NTNG1: variants seen among roughly 807,000 people sequenced by gnomAD.
NTNG1 encodes netrin G1.
NTNG1 carries 16 observed loss-of-function variants against 54.0 expected under a neutral mutation model. That is an observed-to-expected ratio of 0.30 (90% CI 0.20 to 0.45). The LOEUF is 0.45. NTNG1 is among the 20% of genes least tolerant of loss of function. The pLI is 1.00. For synonymous variants in NTNG1, 255 were observed against 263.1 expected, an observed-to-expected ratio of 0.97 and a Z score of 0.30; for missense variants, 530 against 678.7, an observed-to-expected ratio of 0.78 and a Z score of 2.43.
chr1:107,262,781 C>T (rs1663442716), intron 2 of NTNG1, among the ~76,000 whole-genome samples: 1 of 152,188 alleles, frequency 6.6e-6, no homozygotes, highest in Non-Finnish European at 1.5e-5. Context: ...CTTCATTCAC[C>T]TCCAGAAAGG....
At chr1:107,473,709 T>C (rs3813219) in intron 7 of NTNG1, among the ~76,000 whole-genome samples, 25,443 of 152,214 alleles carry the variant, frequency 0.17, 2,247 homozygotes, top group Middle Eastern at 0.19. Flanking sequence ...GTTCTTTCAC[T>C]GTGGAAATTC....
chr1:107,189,037 T>C (rs975340638), intron 2 of NTNG1, among the ~76,000 whole-genome samples: 15 of 152,008 alleles, frequency 9.9e-5, no homozygotes, highest in Admixed American at 9.8e-4. Flanking sequence ...TACAGTCAAA[T>C]TTTGGGGGAC....
chr1:107,144,337 A>T (rs1461115579), intron 1 of NTNG1, among the ~76,000 whole-genome samples: 1 of 152,080 alleles, frequency 6.6e-6, no homozygotes, highest in African/African-American at 2.4e-5. Context: ...TGAATGAGGA[A>T]TGAGTCAATA....
intron 3 of NTNG1, among the ~76,000 whole-genome samples, chr1:107,363,990 T>G (rs1670441198): frequency 1.3e-5 from 2 of 152,136 alleles, no homozygotes; most frequent in Non-Finnish European, 2.9e-5. Flanking sequence ...CAGTGCCCAG[T>G]GGAGAGAGGA....
chr1:107,454,077 C>T (rs1213543186), intron 7 of NTNG1, among the ~76,000 whole-genome samples: 3 of 152,066 alleles, frequency 2.0e-5, no homozygotes. Flanking sequence ...AATATTGGAC[C>T]ACAGCCCAGC....
chr1:107,312,516 T>C (rs532434355), intron 2 of NTNG1, among the ~76,000 whole-genome samples: 1 of 152,260 alleles, frequency 6.6e-6, no homozygotes, highest in African/African-American at 2.4e-5. Flanking sequence ...AATTACACTG[T>C]AGCTAAGTGG....
intron 2 of NTNG1, among the ~76,000 whole-genome samples, chr1:107,206,509 C>G (rs1190894259): frequency 1.3e-5 from 2 of 152,064 alleles, no homozygotes; most frequent in African/African-American, 4.8e-5. Flanking sequence ...GGGTTCTTAT[C>G]ATTACCTTTG....
chr1:107,241,523 C>A (rs1345073005), intron 2 of NTNG1, among the ~76,000 whole-genome samples: 1 of 152,140 alleles, frequency 6.6e-6, no homozygotes, highest in Non-Finnish European at 1.5e-5. Context: ...TAACCATAAA[C>A]CACAGTGTTT....
At chr1:107,467,316 C>G (rs981872700) in intron 7 of NTNG1, among the ~76,000 whole-genome samples, 1 of 152,128 alleles carries the variant, frequency 6.6e-6, no homozygotes, top group Non-Finnish European at 1.5e-5. Context: ...AACTAGAAGA[C>G]ACAGGAGTAT....
chr1:107,376,743 T>C (rs1671290233), intron 3 of NTNG1, among the ~76,000 whole-genome samples: 2 of 152,180 alleles, frequency 1.3e-5, no homozygotes, highest in Admixed American at 1.3e-4. Flanking sequence ...ACATAGTATC[T>C]CGAGTGAACC....
At chr1:107,195,691 C>T (rs1658269745) in intron 2 of NTNG1, among the ~76,000 whole-genome samples, 1 of 151,906 alleles carries the variant, frequency 6.6e-6, no homozygotes, top group African/African-American at 2.4e-5. Context: ...ACATTGTCCT[C>T]CTTGTTCTTA....
chr1:107,433,772 C>T (rs909164230), intron 6 of NTNG1, among the ~76,000 whole-genome samples: 1 of 152,108 alleles, frequency 6.6e-6, no homozygotes, highest in Non-Finnish European at 1.5e-5. Flanking sequence ...TTTCACTTAC[C>T]CTGCTTGAGG....
Position 107,154,501 on chromosome 1 carries a change from T to TG in NTNG1, c.246+5665dup, listed in dbSNP as rs548236434. Among the ~76,000 whole-genome samples the TG allele has an allele frequency of 6.3e-4, 88 of 139,954 alleles. 1 individual carries two copies. In the South Asian group the frequency reaches 0.017, roughly 27 times the overall value. 91.8% of individuals were successfully genotyped at this position (139,954 alleles called of 152,430 possible). On this transcript the variant is annotated intron_variant, in intron 2 of 7. Coordinates refer to ENST00000370068, the MANE Select transcript of NTNG1 (RefSeq NM_001113226.3). ...GTCCCAGCTACTTGGGAGGCTGAGG[T>TG]GGGAGGATCTGTTGAGCCCAGGAGG...
At chr1:107,320,240 A>G (rs1667576044) in intron 2 of NTNG1, among the ~76,000 whole-genome samples, 1 of 152,162 alleles carries the variant, frequency 6.6e-6, no homozygotes, top group African/African-American at 2.4e-5. Context: ...GCACAGTCAT[A>G]AATATTTTCT....
chr1:107,344,084 T>G (rs1669078606), intron 3 of NTNG1, among the ~76,000 whole-genome samples: 1 of 152,152 alleles, frequency 6.6e-6, no homozygotes, highest in Non-Finnish European at 1.5e-5. Flanking sequence ...TCTAATTACA[T>G]TAGTTTATTG....
At chr1:107,267,472 T>A (rs905332958) in intron 2 of NTNG1, among the ~76,000 whole-genome samples, 1 of 152,194 alleles carries the variant, frequency 6.6e-6, no homozygotes, top group Non-Finnish European at 1.5e-5. Flanking sequence ...AACCTGGGTA[T>A]CAACTGTAGC....
intron 4 of NTNG1, among the ~76,000 whole-genome samples, chr1:107,407,047 G>A (rs1238591366): frequency 6.6e-6 from 1 of 152,160 alleles, no homozygotes; most frequent in Non-Finnish European, 1.5e-5. Context: ...CTGAAAAATC[G>A]ATGAAGTCCG....
At position 107,148,644 on chromosome 1, in the gene NTNG1, C is replaced by G. The variant is rs1408039346; in HGVS notation, c.51C>G (p.Ser17=). 6.2e-7 allele frequency: 1 copy of G among 1,613,014 alleles called. No homozygotes were observed. Among genetic ancestry groups the G allele is most frequent in the Non-Finnish European group, 8.5e-7 (1 of 1,179,118 alleles). Residue 17 remains serine (S), a synonymous_variant, in exon 2 of 8, where the codon TCC becomes TCG. Coordinates refer to ENST00000370068, the MANE Select transcript of NTNG1 (RefSeq NM_001113226.3). ...TTCATGCCCTTTGGGTTACGGTGTC[C>G]TCAGTGATGCAGCCCTACCCTTTGG... ...LSIHALWVTV[S]SVMQPYPLVW...
chr1:107,318,850 C>G (rs1355883693), intron 2 of NTNG1, among the ~76,000 whole-genome samples: 1 of 152,124 alleles, frequency 6.6e-6, no homozygotes, highest in Non-Finnish European at 1.5e-5. Context: ...TGAGATTGCA[C>G]TACATGGCCA....
Sources: gnomAD v4.1 joint callset for allele counts (sites outside exome capture counted in the v4.1 genomes callset) on GRCh38, gnomAD v4.1.1 for gene constraint, MANE v1.5 for transcripts, NCBI Gene and HGNC (gene_info 2026-07-23, HGNC 2026-07-21) for gene names.